LYRM4: variants seen among roughly 807,000 people sequenced by gnomAD.
The protein encoded by LYRM4 is LYR motif-containing protein 4.
In LYRM4, 9 loss-of-function variants were observed where a neutral mutation model predicts 11.7. That is an observed-to-expected ratio of 0.77 (90% CI 0.46 to 1.34). The LOEUF is 1.34. Ranked by LOEUF, LYRM4 falls within the 40% of genes most tolerant of loss-of-function variation. LYRM4 has a pLI of 0.00. For synonymous variants in LYRM4, 42 were observed against 40.4 expected (o/e 1.04, Z -0.15); for missense variants, 133 against 112.5 (o/e 1.18, Z -0.82).
the LYRM4 span, chr6:5,084,597 C>G: frequency 1.3e-5 from 2 of 152,178 alleles, no homozygotes; most frequent in Non-Finnish European, 2.9e-5. Context: ...CGGCCGCTCT[C>G]GGCTGCGGGC....
chr6:5,117,278 G>A (rs780294417), intron 2 of LYRM4, among the ~76,000 whole-genome samples: 2 of 152,270 alleles, frequency 1.3e-5, no homozygotes, highest in South Asian at 2.1e-4. Flanking sequence ...TATCATGGGC[G>A]GGGCGCGGTG....
At chr6:5,181,206 C>A (rs769439215) in intron 2 of LYRM4, among the ~76,000 whole-genome samples, 21 of 152,298 alleles carry the variant, frequency 1.4e-4, no homozygotes, top group Admixed American at 7.8e-4. Context: ...AGAGGAATGA[C>A]AAGGTGGGAA....
the LYRM4 span, chr6:5,086,349 C>T: frequency 2.6e-6 from 4 of 1,535,902 alleles, no homozygotes; most frequent in South Asian, 2.4e-5. Flanking sequence ...AGCCAGGGTC[C>T]GGGGATGCCA....
intron 2 of LYRM4, among the ~76,000 whole-genome samples, chr6:5,137,608 A>C (rs1757170232): frequency 6.6e-6 from 1 of 152,002 alleles, no homozygotes; most frequent in Non-Finnish European, 1.5e-5. Flanking sequence ...TTAAATAATG[A>C]CTCTGCTACC....
At chr6:5,125,679 C>G (rs918771756) in intron 2 of LYRM4, among the ~76,000 whole-genome samples, 2 of 152,180 alleles carry the variant, frequency 1.3e-5, no homozygotes, top group African/African-American at 4.8e-5. Flanking sequence ...TGTTTAGGGA[C>G]AAGACGTTCT....
At chr6:5,090,043 A>ACAC in the LYRM4 span, among the ~76,000 whole-genome samples, 2 of 144,004 alleles carry the variant, frequency 1.4e-5, no homozygotes, top group African/African-American at 2.5e-5. This position sits in a 1 kb window ranked among gnomAD's most constrained non-coding sequence, Gnocchi z 4.8. Flanking sequence ...CACACACACC[A>ACAC]CACACACACC....
chr6:5,065,987 C>T, the LYRM4 span: 59 of 316,308 alleles, frequency 1.9e-4, 1 homozygote, highest in South Asian at 2.3e-3. Flanking sequence ...ATTAGATTGG[C>T]ACTGCACCTC....
At chr6:5,164,749 C>T (rs1758970610) in intron 2 of LYRM4, among the ~76,000 whole-genome samples, 1 of 152,100 alleles carries the variant, frequency 6.6e-6, no homozygotes, top group Non-Finnish European at 1.5e-5. Flanking sequence ...AGGCTGATCA[C>T]TTGAGGTCAG....
chr6:5,153,849 T>C (rs1026220112), intron 2 of LYRM4, among the ~76,000 whole-genome samples: 6 of 152,174 alleles, frequency 3.9e-5, no homozygotes, highest in Non-Finnish European at 8.8e-5. Context: ...ACTCTAATAA[T>C]TTTAAAACAG....
At chr6:5,160,217 TAGAATTTCAG>T (rs1561839112) in intron 2 of LYRM4, among the ~76,000 whole-genome samples, 1 of 152,120 alleles carries the variant, frequency 6.6e-6, no homozygotes, top group African/African-American at 2.4e-5. Context: ...AGCAAACTGG[TAGAATTTCAG>T]AGTTTGGTAA....
At chr6:5,216,062 A>T (rs1477651294) in intron 2 of LYRM4, among the ~76,000 whole-genome samples, 1 of 152,130 alleles carries the variant, frequency 6.6e-6, no homozygotes, top group Non-Finnish European at 1.5e-5. Context: ...AGTCAAGGTG[A>T]TCCTTGGCAC....
intron 1 of LYRM4, among the ~76,000 whole-genome samples, chr6:5,246,865 A>G (rs2127764290): frequency 6.6e-6 from 1 of 152,260 alleles, no homozygotes; most frequent in Admixed American, 6.5e-5. Flanking sequence ...ACTTGGGAGT[A>G]AACACAGAGG....
At chr6:5,208,210 C>A (rs1761807865) in intron 2 of LYRM4, among the ~76,000 whole-genome samples, 1 of 152,144 alleles carries the variant, frequency 6.6e-6, no homozygotes, top group Admixed American at 6.5e-5. Flanking sequence ...TCACTGCTGC[C>A]ACCACCATCA....
At chr6:5,044,448 T>G in the LYRM4 span, among the ~76,000 whole-genome samples, 1 of 152,218 alleles carries the variant, frequency 6.6e-6, no homozygotes, top group Non-Finnish European at 1.5e-5. Flanking sequence ...TGTTTTCTTT[T>G]AAACAGCTGG....
intron 1 of LYRM4, among the ~76,000 whole-genome samples, chr6:5,251,565 C>T (rs2773312): frequency 0.29 from 43,596 of 151,958 alleles, 7,892 homozygotes; most frequent in African/African-American, 0.51. Context: ...TTAAAACAAC[C>T]GGATCTCATG....
the LYRM4 span, among the ~76,000 whole-genome samples, chr6:5,053,853 C>T: frequency 0.88 from 133,373 of 152,130 alleles, 58,590 homozygotes; most frequent in East Asian, 0.99. Flanking sequence ...TATACATTCA[C>T]TGGGTGCCTT....
intron 2 of LYRM4, among the ~76,000 whole-genome samples, chr6:5,122,523 TC>T (rs1763503167): frequency 6.6e-6 from 1 of 152,160 alleles, no homozygotes; most frequent in South Asian, 2.1e-4. Flanking sequence ...AAATAAGTGG[TC>T]CAGGGGAGTC....
At chr6:5,239,728 G>A (rs982373826) in intron 1 of LYRM4, among the ~76,000 whole-genome samples, 2 of 152,170 alleles carry the variant, frequency 1.3e-5, no homozygotes, top group African/African-American at 4.8e-5. Context: ...AGAGTGCACA[G>A]ACCATTCCCA....
At chr6:5,039,027 T>G in the LYRM4 span, among the ~76,000 whole-genome samples, 1 of 152,094 alleles carries the variant, frequency 6.6e-6, no homozygotes, top group East Asian at 1.9e-4. Context: ...ACATGTTTCT[T>G]TTATCAAAAT....
Sources: gnomAD v4.1 joint callset for allele counts (sites outside exome capture counted in the v4.1 genomes callset) on GRCh38, gnomAD v4.1.1 for gene constraint, Gnocchi (gnomAD v3.1) non-coding constraint, MANE v1.5 for transcripts, NCBI Gene and HGNC (gene_info 2026-07-23, HGNC 2026-07-21) for gene names.